NRG3: variants seen among roughly 807,000 people sequenced by gnomAD.
The protein encoded by NRG3 is pro-neuregulin-3, membrane-bound isoform.
Under a neutral mutation model 66.9 loss-of-function variants are expected in NRG3, and 31 were observed. That is an observed-to-expected ratio of 0.46 (90% confidence interval 0.35 to 0.63). The LOEUF (loss-of-function observed/expected upper bound fraction) is 0.63. Among genes scored for constraint, NRG3 ranks in the 20% least tolerant of loss-of-function variants. The pLI is 0.00. For missense variants in NRG3, 910 were observed against 878.9 expected (o/e 1.04, Z -0.45); for synonymous variants, 393 against 359.4 (o/e 1.09, Z -1.06).
At position 81,877,629 on chromosome 10, in the gene NRG3, A is replaced by G. The variant is rs191021959; in HGVS notation, c.823+1466A>G. On this transcript the variant is annotated intron_variant, in intron 1 of 8. Coordinates refer to ENST00000372141, the MANE Select transcript of NRG3 (RefSeq NM_001010848.4). ...TAAGGTCCAGGAGAGGGAAAGGGGG[A>G]AAAAAAAGCAAACCTACTTTGCTTT... 2.6e-5 allele frequency: 29 copies of G among 1,127,644 alleles called. No individual in the cohort carries two copies. The East Asian group carries it at 1.0e-3, about 40-fold the overall frequency. 69.9% of individuals were successfully genotyped at this position (1,127,644 alleles called of 1,614,324 possible).
chr10:82,233,981 C>T (rs540925082), intron 1 of NRG3, among the ~76,000 whole-genome samples: 1 of 152,068 alleles, frequency 6.6e-6, no homozygotes, highest in South Asian at 2.1e-4. Context: ...GTCACAGTAT[C>T]CCCCCATCAT....
At position 82,170,654 on chromosome 10, in the gene NRG3, G is replaced by GTGTATATATATATATATA. The variant is rs1554839695; in HGVS notation, c.824-188084_824-188083insGTATATATATATATATAT. On this transcript the variant is annotated intron_variant, in intron 1 of 8. Coordinates refer to ENST00000372141, the MANE Select transcript of NRG3 (RefSeq NM_001010848.4). Reference sequence around the variant, plus strand: ...TGAGATGATGTTTATAAAACTTGTGGTATATATATATATATATATATATAT... The same window carrying GTGTATATATATATATATA: ...TGAGATGATGTTTATAAAACTTGTGGTGTATATATATATATATATATATATATATATATATATATATAT... Among the ~76,000 whole-genome samples, 30 of 74,216 alleles carry GTGTATATATATATATATA rather than the reference G, an allele frequency of 4.0e-4. 3 individuals are homozygous for GTGTATATATATATATATA. The highest frequency in any genetic ancestry group is 8.0e-4 in the Non-Finnish European group (26 of 32,642). The allele number at this position is 74,216 out of a possible 152,430, so 48.7% of individuals were successfully genotyped here.
At chr10:82,876,104 T>C (rs1409237266) in intron 4 of NRG3, among the ~76,000 whole-genome samples, 1 of 152,202 alleles carries the variant, frequency 6.6e-6, no homozygotes, top group Non-Finnish European at 1.5e-5. Context: ...CTAATAAAAT[T>C]TGATTGGTAG....
At chr10:82,384,835 G>A (rs1444284200) in intron 2 of NRG3, among the ~76,000 whole-genome samples, 4 of 152,090 alleles carry the variant, frequency 2.6e-5, no homozygotes, top group African/African-American at 9.7e-5. Context: ...CTGCCTCTAG[G>A]TCTTTGAGGA....
chr10:81,936,006 A>G (rs17098782), intron 1 of NRG3, among the ~76,000 whole-genome samples: 15,979 of 151,742 alleles, frequency 0.11, 1,600 homozygotes, highest in African/African-American at 0.26. Flanking sequence ...TATGTCCCCA[A>G]TTGCACAGCA....
intron 4 of NRG3, among the ~76,000 whole-genome samples, chr10:82,918,915 A>G (rs773913864): frequency 3.9e-5 from 6 of 152,192 alleles, no homozygotes; most frequent in Admixed American, 1.3e-4. Context: ...TTGGAATTCA[A>G]ATGAACTGGG....
At chr10:82,216,460 A>ATATG (rs1554851844) in intron 1 of NRG3, among the ~76,000 whole-genome samples, 56 of 146,410 alleles carry the variant, frequency 3.8e-4, no homozygotes, top group African/African-American at 1.3e-3. Flanking sequence ...TTTTATATAT[A>ATATG]TGTGTGTGTG....
intron 2 of NRG3, among the ~76,000 whole-genome samples, chr10:82,619,154 C>T (rs1454854089): frequency 6.6e-6 from 1 of 151,772 alleles, no homozygotes; most frequent in East Asian, 1.9e-4. Flanking sequence ...TTTAGAAACT[C>T]CTTTAATGTA....
rs528659921 is a variant in NRG3, at chr10:82,286,063, A to G, written c.824-72676A>G. Among the ~76,000 whole-genome samples the G allele has an allele frequency of 6.6e-5, 10 of 152,360 alleles. No homozygotes were observed. In the East Asian group the frequency reaches 1.9e-3, roughly 29 times the overall value. ...TCTGTTATGTGTTGATTCTACAAAC[A>G]GAAGAACTAAATCCACCTGTGTGTT... On this transcript the variant is annotated intron_variant, in intron 1 of 8. Transcript: ENST00000372141.
intron 2 of NRG3, among the ~76,000 whole-genome samples, chr10:82,446,491 G>A (rs937436436): frequency 4.6e-5 from 7 of 152,108 alleles, no homozygotes; most frequent in Non-Finnish European, 1.0e-4. Flanking sequence ...TACAAGGAGA[G>A]GGATAGAGCT....
chr10:82,534,559 C>A (rs1847631807), intron 2 of NRG3, among the ~76,000 whole-genome samples: 2 of 151,888 alleles, frequency 1.3e-5, no homozygotes, highest in South Asian at 4.2e-4. Context: ...GCCACTGGGC[C>A]CGGCCAGAAA....
chr10:82,371,002 T>A (rs2135734542), intron 2 of NRG3, among the ~76,000 whole-genome samples: 1 of 151,778 alleles, frequency 6.6e-6, no homozygotes, highest in African/African-American at 2.4e-5. Context: ...ATACACACAG[T>A]CTGTTTACTA....
At chr10:82,360,621 A>G (rs141103348) in intron 2 of NRG3, among the ~76,000 whole-genome samples, 17 of 152,298 alleles carry the variant, frequency 1.1e-4, no homozygotes, top group East Asian at 9.7e-4. Flanking sequence ...ATTCTTCATT[A>G]CTTCATGAGT....
At chr10:82,305,290 C>T (rs181168673) in intron 1 of NRG3, among the ~76,000 whole-genome samples, 7 of 152,148 alleles carry the variant, frequency 4.6e-5, no homozygotes, top group South Asian at 2.1e-4. Context: ...CTACCGCGCC[C>T]GGCCCAAGTC....
chr10:82,377,432 G>A (rs935743510), intron 2 of NRG3, among the ~76,000 whole-genome samples: 4 of 118,642 alleles, frequency 3.4e-5, no homozygotes, highest in Non-Finnish European at 7.3e-5. Context: ...GTGTGTGTGT[G>A]CGCGTGTGTG....
intron 3 of NRG3, among the ~76,000 whole-genome samples, chr10:82,854,778 G>A (rs1279616394): frequency 6.6e-6 from 1 of 152,144 alleles, no homozygotes. Context: ...CCTAACCTAA[G>A]AGTACCTCCT....
intron 4 of NRG3, among the ~76,000 whole-genome samples, chr10:82,899,080 G>A (rs1412745036): frequency 1.3e-5 from 2 of 152,034 alleles, no homozygotes; most frequent in East Asian, 1.9e-4. Flanking sequence ...GGTCTTTAAC[G>A]ACTTCATGTG....
At chr10:81,922,003 C>G (rs890869441) in intron 1 of NRG3, among the ~76,000 whole-genome samples, 4 of 152,146 alleles carry the variant, frequency 2.6e-5, no homozygotes, top group African/African-American at 9.6e-5. Flanking sequence ...AGTATATTCC[C>G]AAGTGTTTGC....
intron 2 of NRG3, among the ~76,000 whole-genome samples, chr10:82,467,094 G>A (rs955713971): frequency 6.6e-6 from 1 of 151,888 alleles, no homozygotes; most frequent in African/African-American, 2.4e-5. Context: ...CTGTTCCCCA[G>A]CAGATAGAAT....
Sources: gnomAD v4.1 joint callset for allele counts (sites outside exome capture counted in the v4.1 genomes callset) on GRCh38, gnomAD v4.1.1 for gene constraint, MANE v1.5 for transcripts, NCBI Gene and HGNC (gene_info 2026-07-23, HGNC 2026-07-21) for gene names.